The following RAB11FIP2 variants were observed in gnomAD, a reference collection of about 807,000 sequenced individuals.
RAB11FIP2 encodes rab11 family-interacting protein 2.
A neutral mutation model predicts 40.9 loss-of-function variants in RAB11FIP2; 16 were observed. The ratio of observed to expected loss-of-function variants is 0.39; its 90% CI spans 0.26 to 0.59. The LOEUF is 0.59. Ranked by LOEUF, RAB11FIP2 falls within the 20% of genes least tolerant of loss-of-function variation. The pLI is 0.53. For missense variants in RAB11FIP2, 532 were observed against 606.2 expected (o/e 0.88, Z 1.28); for synonymous variants, 228 against 213.7 (o/e 1.07, Z -0.58).
At position 118,005,720 on chromosome 10, in the gene RAB11FIP2, A is replaced by G. The variant is rs932270190; in HGVS notation, c.*3278T>C. ...AGAGGAAAATAAAAGCTCTAGTGTA[A>G]CATTTACTGTAGATATATTAGACAA... On this transcript the variant is annotated 3_prime_UTR_variant, in exon 5 of 5. Transcript: ENST00000355624. 3 of 152,336 alleles carry G rather than the reference A, an allele frequency of 2.0e-5. No individual in the cohort carries two copies. The highest frequency in any genetic ancestry group is 3.4e-3 in the Middle Eastern group (1 of 294). The allele number at this position is 152,336 out of a possible 1,614,324, so 9.4% of individuals were successfully genotyped here. A position where few individuals can be genotyped will look rare whatever the true frequency, so the allele number is the denominator to read the frequency against.
chr10:118,035,712 A>G (rs1322151917), intron 3 of RAB11FIP2, among the ~76,000 whole-genome samples: 1 of 152,140 alleles, frequency 6.6e-6, no homozygotes, highest in African/African-American at 2.4e-5. Context: ...TCTTCATGGT[A>G]GTGGGCAAAA....
intron 1 of RAB11FIP2, chr10:118,045,333 CTG>C (rs1846614661): frequency 6.5e-6 from 1 of 154,280 alleles, no homozygotes; most frequent in African/African-American, 2.4e-5. Context: ...AAAATAAAAG[CTG>C]TGTTTATAAC....
chr10:118,033,608 A>T (rs571559196), intron 3 of RAB11FIP2, among the ~76,000 whole-genome samples: 39 of 152,168 alleles, frequency 2.6e-4, no homozygotes, highest in Non-Finnish European at 5.1e-4. Context: ...ACCTCAGTGT[A>T]GAGACATGGC....
chr10:118,020,946 T>C (rs113607088), intron 3 of RAB11FIP2, among the ~76,000 whole-genome samples: 2,288 of 152,230 alleles, frequency 0.015, 21 homozygotes, highest in African/African-American at 0.022. Context: ...ACCTATACTT[T>C]CCTTTGCCCT....
rs547313607 is a variant in RAB11FIP2 at position 118,039,307 on chromosome 10, T to C, written c.930A>G (p.Ser310=). 8.1e-6 allele frequency: 13 copies of C among 1,613,748 alleles called. No homozygotes were observed. In the African/African-American group the frequency reaches 1.1e-4, roughly 13 times the overall value. The part of the protein sequence containing the change: ...QNDPFTNVTA[S]LPQKFATLPR... ...GCAGTGTTGCAAATTTTTGGGGTAA[T>C]GAAGCAGTCACATTTGTAAATGGGT... is the stretch of plus-strand genomic sequence containing the variant. The change falls in exon 3 of 5, where the codon TCA becomes TCG. Residue 310 remains serine, a synonymous_variant. Coordinates refer to ENST00000355624, the MANE Select transcript of RAB11FIP2 (RefSeq NM_014904.3).
At chr10:118,039,853 G>A (rs1011390293) in intron 2 of RAB11FIP2, 3 of 411,196 alleles carry the variant, frequency 7.3e-6, no homozygotes, top group African/African-American at 4.1e-5. Context: ...TGAGATAGCA[G>A]AAACAGCAGT....
intron 3 of RAB11FIP2, among the ~76,000 whole-genome samples, chr10:118,018,935 T>C (rs1026769616): frequency 2.6e-5 from 4 of 152,020 alleles, no homozygotes; most frequent in Non-Finnish European, 5.9e-5. Flanking sequence ...TGTTTCTCTT[T>C]CTTAAACATA....
Position 118,046,215 on chromosome 10 carries a change from CGGAG to C in RAB11FIP2, c.-56_-53del, listed in dbSNP as rs751805128. 1 of 1,476,130 alleles carries C rather than the reference CGGAG, an allele frequency of 6.8e-7. No individual in the cohort carries two copies. Among genetic ancestry groups the C allele is most frequent in the Non-Finnish European group, 9.4e-7 (1 of 1,068,560 alleles). 91.4% of individuals were successfully genotyped at this position (1,476,130 alleles called of 1,614,324 possible). A position where few individuals can be genotyped will look rare whatever the true frequency, so the allele number is the denominator to read the frequency against. ...TCCCTAGCACAGGCAGTGCCCCTCC[CGGAG>C]GGAGAGCCTAATTCCTTAATCACTG... On this transcript the variant is annotated 5_prime_UTR_variant, in exon 1 of 5. Transcript: ENST00000355624.
At chr10:118,014,615 T>C (rs1846194836) in intron 4 of RAB11FIP2, among the ~76,000 whole-genome samples, 1 of 152,200 alleles carries the variant, frequency 6.6e-6, no homozygotes, top group Non-Finnish European at 1.5e-5. Context: ...TTTCAAATAC[T>C]TTCCTGGTTA....
chr10:118,026,294 A>AT (rs1457464116), intron 3 of RAB11FIP2, among the ~76,000 whole-genome samples: 6 of 152,268 alleles, frequency 3.9e-5, no homozygotes, highest in African/African-American at 1.2e-4. Context: ...TTGGTTATGT[A>AT]TTTTTTTCTG....
At chr10:118,012,689 T>G (rs1033961963) in intron 4 of RAB11FIP2, among the ~76,000 whole-genome samples, 2 of 152,036 alleles carry the variant, frequency 1.3e-5, no homozygotes, top group Non-Finnish European at 2.9e-5. Context: ...GAAAGATTAT[T>G]CTTGCAAAAA....
At chr10:118,018,882 G>C (rs563313631) in intron 3 of RAB11FIP2, among the ~76,000 whole-genome samples, 1 of 152,104 alleles carries the variant, frequency 6.6e-6, no homozygotes, top group Non-Finnish European at 1.5e-5. Flanking sequence ...TACGGCATGT[G>C]GCAGAGATCA....
At chr10:118,012,240 C>T (rs1268168718) in intron 4 of RAB11FIP2, among the ~76,000 whole-genome samples, 1 of 151,512 alleles carries the variant, frequency 6.6e-6, no homozygotes, top group South Asian at 2.1e-4. Context: ...TTCCTTACAA[C>T]AATCTAACAC....
intron 1 of RAB11FIP2, among the ~76,000 whole-genome samples, chr10:118,044,747 T>C (rs1235216695): frequency 6.6e-6 from 1 of 152,052 alleles, no homozygotes; most frequent in Non-Finnish European, 1.5e-5. Context: ...CGTTTTAAAA[T>C]GTAAAGAATT....
intron 3 of RAB11FIP2, among the ~76,000 whole-genome samples, chr10:118,029,947 T>C (rs1846393112): frequency 6.6e-6 from 1 of 152,146 alleles, no homozygotes; most frequent in East Asian, 1.9e-4. Context: ...GGGCATAACA[T>C]GTAAAAACCA....
intron 4 of RAB11FIP2, 132 bp from the exon 5 acceptor site, chr10:118,009,357 G>T: frequency 1.2e-6 from 1 of 833,014 alleles, no homozygotes; most frequent in Non-Finnish European, 1.8e-6. Flanking sequence ...TAAAGTGAAT[G>T]TGACAGTTCA....
chr10:118,009,162 C>T lies in RAB11FIP2; in HGVS notation c.1375G>A (p.Glu459Lys). Residue 459 changes from glutamate (E) to lysine (K), a missense_variant, in exon 5 of 5, where the codon GAG (glutamate) becomes AAG (lysine). By Grantham distance (56) the Glu-to-Lys change is moderately conservative. Coordinates refer to ENST00000355624, the MANE Select transcript of RAB11FIP2 (RefSeq NM_014904.3). ...AGGAGTTCTTTGTGTTTCACCAGCTCCTGTAGAACCTCTTCATAGGTCAGA... is the reference window on the plus strand; with the variant it reads ...AGGAGTTCTTTGTGTTTCACCAGCTTCTGTAGAACCTCTTCATAGGTCAGA... ...RSLTYEEVLQ[E>K]LVKHKELLRR... The T allele has an allele frequency of 1.9e-6, 3 of 1,613,576 alleles. No individual in the cohort carries two copies. Among genetic ancestry groups the T allele is most frequent in the Non-Finnish European group, 2.5e-6 (3 of 1,179,606 alleles).
At chr10:118,010,816 G>C (rs1324394803) in intron 4 of RAB11FIP2, among the ~76,000 whole-genome samples, 1 of 152,076 alleles carries the variant, frequency 6.6e-6, no homozygotes, top group Non-Finnish European at 1.5e-5. Flanking sequence ...CTTGTTCAAA[G>C]AAGGAAACAA....
intron 3 of RAB11FIP2, among the ~76,000 whole-genome samples, chr10:118,033,114 C>T (rs1846435453): frequency 6.6e-6 from 1 of 152,022 alleles, no homozygotes; most frequent in Non-Finnish European, 1.5e-5. Context: ...CGGAACTGTG[C>T]CTGGTTTCAG....
Sources: allele counts gnomAD v4.1 joint callset (sites outside exome capture counted in the v4.1 genomes callset), GRCh38; gene constraint gnomAD v4.1.1; transcripts MANE v1.5; gene names NCBI Gene and HGNC (gene_info 2026-07-23, HGNC 2026-07-21).